Variants in BPIFA3 observed in about 807,000 individuals in gnomAD.
The protein encoded by BPIFA3 is BPI fold-containing family A member 3.
BPIFA3 carries 32 observed loss-of-function variants against 29.7 expected under a neutral mutation model. The ratio of observed to expected loss-of-function variants is 1.08; its 90% CI spans 0.81 to 1.45. BPIFA3 has a LOEUF of 1.45. BPIFA3 is among the 40% of genes most tolerant of loss of function. The pLI is 0.00. For missense variants in BPIFA3, 323 were observed against 311.3 expected (o/e 1.04, Z -0.28); for synonymous variants, 112 against 113.7 (o/e 0.98, Z 0.10).
At chr20:33,224,072 A>G (rs1392902076) in intron 2 of BPIFA3, 111 bp downstream of exon 2, 1 of 1,355,926 alleles carries the variant, frequency 7.4e-7, no homozygotes, top group Non-Finnish European at 1.0e-6. Flanking sequence ...GAGGGAAGGT[A>G]GGAAGATTGA....
intron 2 of BPIFA3, 44 bp downstream of exon 2, chr20:33,224,005 A>C (rs750273689): frequency 6.2e-7 from 1 of 1,601,526 alleles, no homozygotes; most frequent in East Asian, 2.2e-5. Flanking sequence ...CTCTTTATAG[A>C]GCTCTAGATC....
At position 33,217,468 on chromosome 20, in the gene BPIFA3, A is replaced by G; in HGVS notation, c.-69A>G. The G allele has an allele frequency of 6.4e-7, 1 of 1,569,564 alleles. No individual in the cohort carries two copies. Among genetic ancestry groups the G allele is most frequent in the South Asian group, 1.2e-5 (1 of 84,534 alleles). On this transcript the variant is annotated 5_prime_UTR_variant, in exon 1 of 7. Coordinates refer to ENST00000375454, the MANE Select transcript of BPIFA3 (RefSeq NM_178466.5). ...GAAAACCATTAGACCATCCCTCCAGACTGCCACCCTCAAAGCCGTCTGCCC... is the reference window on the plus strand; with the variant it reads ...GAAAACCATTAGACCATCCCTCCAGGCTGCCACCCTCAAAGCCGTCTGCCC...
chr20:33,226,237 C>T, intron 4 of BPIFA3, 169 bp from the exon 5 acceptor site: 2 of 598,948 alleles, frequency 3.3e-6, no homozygotes, highest in East Asian at 6.2e-5. Flanking sequence ...GCTGTGTGAC[C>T]TTGGGCAAGG....
Position 33,217,389 on chromosome 20 carries a change from T to C in BPIFA3, c.-148T>C. 2.9e-6 allele frequency: 3 copies of C among 1,036,322 alleles called. No homozygotes were observed. Among genetic ancestry groups the C allele is most frequent in the Non-Finnish European group, 2.7e-6 (2 of 736,530 alleles). The allele number at this position is 1,036,322 out of a possible 1,614,324, so 64.2% of individuals were successfully genotyped here. The stretch of plus-strand genomic sequence containing the variant: ...CCCTGGTGGCAGCGCCAGGGTCCAG[T>C]GCAGCCCCTCCCCACAGCATGCTGG... On this transcript the variant is annotated 5_prime_UTR_variant, in exon 1 of 7. Transcript: ENST00000375454.
rs770567542 is a variant in BPIFA3 at position 33,227,608 on chromosome 20, C to A, written c.756C>A (p.Ser252=). ...CCTCTGCATGCCAGGCTGGAGAGTC[C>A]CCCAGCTGACTTCTGCTGATCAGAA... ...SQPSACQAGE[S]PS The change falls in exon 7 of 7, where the codon TCC becomes TCA. Residue 252 remains serine (S), a synonymous_variant. Transcript: ENST00000375454. 1.7e-5 allele frequency: 27 copies of A among 1,613,798 alleles called. No homozygotes were observed. The highest frequency in any genetic ancestry group is 3.3e-5 in the Admixed American group (2 of 60,012).
chr20:33,225,287 T>C, intron 4 of BPIFA3, 40 bp downstream of exon 4: 1 of 1,611,062 alleles, frequency 6.2e-7, no homozygotes, highest in African/African-American at 1.3e-5. Context: ...TGGGCCTCCT[T>C]CCTGATGAGC....
At chr20:33,223,983 G>C (rs763073206) in intron 2 of BPIFA3, 22 bp downstream of exon 2, 1 of 1,611,936 alleles carries the variant, frequency 6.2e-7, no homozygotes, top group South Asian at 1.1e-5. Flanking sequence ...AGTTCTATCC[G>C]TGGCCCTGGA....
intron 1 of BPIFA3, 63 bp downstream of exon 1, chr20:33,217,726 T>C: frequency 6.4e-7 from 1 of 1,552,378 alleles, no homozygotes; most frequent in Non-Finnish European, 8.7e-7. Context: ...AGGTGCCATC[T>C]GGGCTCCACT....
chr20:33,225,174 T>A lies in BPIFA3; in HGVS notation c.463T>A (p.Phe155Ile). Residue 155 changes from phenylalanine to isoleucine, a missense_variant, in exon 4 of 7, where the codon TTT (phenylalanine) becomes ATT (isoleucine). Physicochemically the swap from Phe to Ile is conservative, Grantham distance 21. Transcript: ENST00000375454. ...GGAGTTCTGGCTGGAGAAAGACGAG[T>A]TTGGCCGGAGGGATCTGGTGATAGG... ...VVEFWLEKDE[F>I]GRRDLVIGKC... 6.2e-7 allele frequency: 1 copy of A among 1,614,078 alleles called. No individual in the cohort carries two copies. Among genetic ancestry groups the A allele is most frequent in the Non-Finnish European group, 8.5e-7 (1 of 1,179,994 alleles).
chr20:33,226,048 C>A, intron 4 of BPIFA3: 1 of 206,866 alleles, frequency 4.8e-6, no homozygotes, highest in Non-Finnish European at 9.4e-6. Context: ...CCTGATTTAT[C>A]TCTGTAATTC....
At chr20:33,225,404 C>A in intron 4 of BPIFA3, 157 bp downstream of exon 4, 1 of 1,020,270 alleles carries the variant, frequency 9.8e-7, no homozygotes, top group Non-Finnish European at 1.4e-6. Flanking sequence ...CGTGATGACC[C>A]TACCACCCTC....
chr20:33,222,430 C>T (rs945376737), intron 1 of BPIFA3, among the ~76,000 whole-genome samples: 2 of 152,174 alleles, frequency 1.3e-5, no homozygotes, highest in Non-Finnish European at 2.9e-5. Context: ...GTGAGGCACA[C>T]CTGATGGTTC....
At chr20:33,225,602 C>G in intron 4 of BPIFA3, 1 of 209,868 alleles carries the variant, frequency 4.8e-6, no homozygotes, top group Non-Finnish European at 9.6e-6. Flanking sequence ...CATTCCTCAT[C>G]CTGCAGCAGA....
At chr20:33,226,883 C>T (rs1985804092) in intron 5 of BPIFA3, 47 bp from the exon 6 acceptor site, 1 of 1,612,518 alleles carries the variant, frequency 6.2e-7, no homozygotes. Context: ...TTCAGTTTTC[C>T]TTTTCCAGCC....
chr20:33,227,414 G>A, intron 6 of BPIFA3, 124 bp from the exon 7 acceptor site: 1 of 749,690 alleles, frequency 1.3e-6, no homozygotes, highest in Non-Finnish European at 2.3e-6. Flanking sequence ...CATTTGGGGA[G>A]GGTTTTCACG....
At chr20:33,218,531 T>C (rs901507499) in intron 1 of BPIFA3, among the ~76,000 whole-genome samples, 1 of 152,178 alleles carries the variant, frequency 6.6e-6, no homozygotes, top group African/African-American at 2.4e-5. Flanking sequence ...AAGTCCAAGA[T>C]CAAGATGCAA....
chr20:33,217,565 T>A lies in BPIFA3; in HGVS notation c.29T>A (p.Ile10Asn). 10 of 1,614,166 alleles carry A rather than the reference T, an allele frequency of 6.2e-6. No individual in the cohort carries two copies. Among genetic ancestry groups the A allele is most frequent in the Non-Finnish European group, 8.5e-6 (10 of 1,180,016 alleles). Residue 10 changes from isoleucine to asparagine, a missense_variant, in exon 1 of 7, where the codon ATC (isoleucine) becomes AAC (asparagine). Coordinates refer to ENST00000375454, the MANE Select transcript of BPIFA3 (RefSeq NM_178466.5). ...ATGTGTCCACTCTGGAGGCTCCTCA[T>A]CTTCCTCGGGTTGCTGGCCTTGCCC... Reference protein sequence around the residue: MMCPLWRLLIFLGLLALPLA... With the variant: MMCPLWRLLNFLGLLALPLA...
At chr20:33,225,381 C>T (rs930840692) in intron 4 of BPIFA3, 134 bp downstream of exon 4, 2 of 1,287,434 alleles carry the variant, frequency 1.6e-6, no homozygotes, top group Middle Eastern at 2.7e-4. Context: ...GCTCCTCCTC[C>T]CATGTTCCCA....
intron 1 of BPIFA3, among the ~76,000 whole-genome samples, chr20:33,218,627 A>T (rs1013176671): frequency 6.6e-6 from 1 of 152,154 alleles, no homozygotes; most frequent in Non-Finnish European, 1.5e-5. Context: ...TTCTCTGTGC[A>T]TGCAGAGAAA....
Sources: allele counts gnomAD v4.1 joint callset (sites outside exome capture counted in the v4.1 genomes callset), GRCh38; gene constraint gnomAD v4.1.1; transcripts MANE v1.5; gene names NCBI Gene and HGNC (gene_info 2026-07-23, HGNC 2026-07-21).